The following HEMK2 variants were observed in gnomAD, a reference collection of about 807,000 sequenced individuals.
HEMK2 encodes methyltransferase HEMK2.
the HEMK2 span, among the ~76,000 whole-genome samples, chr21:28,640,876 A>G: frequency 6.6e-6 from 1 of 152,234 alleles, no homozygotes; most frequent in African/African-American, 2.4e-5. Context: ...GCAGGAGATC[A>G]TGGCTGCTAT....
the HEMK2 span, among the ~76,000 whole-genome samples, chr21:28,696,361 C>T: frequency 3.4e-4 from 52 of 152,282 alleles, no homozygotes; most frequent in East Asian, 1.7e-3. Context: ...ACAGGCCCCA[C>T]GTAAGTCTAA....
chr21:28,682,205 G>T, the HEMK2 span, among the ~76,000 whole-genome samples: 1 of 151,664 alleles, frequency 6.6e-6, no homozygotes, highest in South Asian at 2.1e-4. Flanking sequence ...AAATTTACAA[G>T]AAAAAAACAA....
the HEMK2 span, among the ~76,000 whole-genome samples, chr21:28,850,456 C>G: frequency 6.6e-6 from 1 of 152,054 alleles, no homozygotes; most frequent in Non-Finnish European, 1.5e-5. Flanking sequence ...GATCTCCTGA[C>G]CTCGTGATCC....
chr21:28,628,908 G>A, the HEMK2 span, among the ~76,000 whole-genome samples: 1 of 152,190 alleles, frequency 6.6e-6, no homozygotes, highest in African/African-American at 2.4e-5. Context: ...ATAATTTATT[G>A]AGCTTGCAGT....
the HEMK2 span, among the ~76,000 whole-genome samples, chr21:28,594,773 T>C: frequency 6.6e-6 from 1 of 152,242 alleles, no homozygotes; most frequent in African/African-American, 2.4e-5. Flanking sequence ...ATACTAAACC[T>C]AAACTCTCAA....
chr21:28,732,311 T>C, the HEMK2 span, among the ~76,000 whole-genome samples: 1 of 152,258 alleles, frequency 6.6e-6, no homozygotes, highest in Non-Finnish European at 1.5e-5. Flanking sequence ...GTGTTCTTTA[T>C]TAAATGGTAT....
chr21:28,590,117 C>A, the HEMK2 span, among the ~76,000 whole-genome samples: 2 of 152,214 alleles, frequency 1.3e-5, no homozygotes, highest in Non-Finnish European at 2.9e-5. Context: ...GTGTTACTCT[C>A]TGTTTTTGGC....
the HEMK2 span, among the ~76,000 whole-genome samples, chr21:28,700,639 T>C: frequency 6.6e-6 from 1 of 152,116 alleles, no homozygotes; most frequent in South Asian, 2.1e-4. Flanking sequence ...AGTTCAGAAA[T>C]TGAATCCGTA....
At chr21:28,737,259 G>T in the HEMK2 span, among the ~76,000 whole-genome samples, 1 of 152,116 alleles carries the variant, frequency 6.6e-6, no homozygotes, top group South Asian at 2.1e-4. Context: ...CAAGTAGCTG[G>T]GACTACAAGT....
chr21:28,615,191 A>G, the HEMK2 span, among the ~76,000 whole-genome samples: 1 of 152,200 alleles, frequency 6.6e-6, no homozygotes, highest in Non-Finnish European at 1.5e-5. Context: ...AAAGATCTGT[A>G]GTTCATGACC....
At chr21:28,649,010 C>T in the HEMK2 span, among the ~76,000 whole-genome samples, 2 of 147,818 alleles carry the variant, frequency 1.4e-5, no homozygotes, top group Admixed American at 6.9e-5. Flanking sequence ...GGTTCAATTT[C>T]CACCTATGAG....
the HEMK2 span, among the ~76,000 whole-genome samples, chr21:28,656,744 C>A: frequency 3.3e-5 from 5 of 152,186 alleles, no homozygotes; most frequent in Non-Finnish European, 4.4e-5. Context: ...ACTGTTAATT[C>A]TTTCTAAATA....
the HEMK2 span, among the ~76,000 whole-genome samples, chr21:28,609,021 C>A: frequency 6.6e-6 from 1 of 152,150 alleles, no homozygotes; most frequent in Admixed American, 6.5e-5. Context: ...AGCTCTATGG[C>A]CCCACCCACC....
chr21:28,602,786 T>C, the HEMK2 span, among the ~76,000 whole-genome samples: 2 of 152,214 alleles, frequency 1.3e-5, no homozygotes, highest in Non-Finnish European at 2.9e-5. Context: ...CTTATCTCAC[T>C]AACCCTCCAG....
At chr21:28,624,377 ATCACTTCTC>A in the HEMK2 span, among the ~76,000 whole-genome samples, 1 of 152,198 alleles carries the variant, frequency 6.6e-6, no homozygotes, top group African/African-American at 2.4e-5. Context: ...TTCTAAGTCA[ATCACTTCTC>A]TCCGTAATAC....
At chr21:28,652,344 T>C in the HEMK2 span, among the ~76,000 whole-genome samples, 63 of 152,310 alleles carry the variant, frequency 4.1e-4, no homozygotes, top group South Asian at 1.2e-3. Context: ...GATGAACCTA[T>C]GACCTAAGTT....
At chr21:28,686,276 C>A in the HEMK2 span, among the ~76,000 whole-genome samples, 1 of 151,876 alleles carries the variant, frequency 6.6e-6, no homozygotes. Flanking sequence ...CTCTTGTTGC[C>A]CAGGCTGGAG....
chr21:28,838,986 TATATATATATATATAC>T, the HEMK2 span, among the ~76,000 whole-genome samples: 28 of 67,324 alleles, frequency 4.2e-4, no homozygotes, highest in African/African-American at 1.5e-3. Context: ...TATATATATA[TATATATATATATATAC>T]ATATATATAC....
At chr21:28,831,256 C>G in the HEMK2 span, among the ~76,000 whole-genome samples, 2 of 151,696 alleles carry the variant, frequency 1.3e-5, no homozygotes, top group African/African-American at 4.8e-5. Context: ...ACCAGCCTGG[C>G]CAAGATGGCG....
Sources: allele counts gnomAD v4.1 joint callset (sites outside exome capture counted in the v4.1 genomes callset), GRCh38; gene constraint gnomAD v4.1.1; transcripts MANE v1.5; gene names NCBI Gene and HGNC (gene_info 2026-07-23, HGNC 2026-07-21).